LRRC4C: variants seen among roughly 807,000 people sequenced by gnomAD.
LRRC4C encodes leucine rich repeat containing 4C.
In LRRC4C, 5 loss-of-function variants were observed where a neutral mutation model predicts 33.6. That is an observed-to-expected ratio of 0.15 (90% confidence interval 0.08 to 0.31). LRRC4C has a LOEUF of 0.31. Ranked by LOEUF, LRRC4C falls within the 10% of genes least tolerant of loss-of-function variation. The pLI is 1.00. For synonymous variants in LRRC4C, 329 were observed against 302.0 expected, an observed-to-expected ratio of 1.09 and a Z score of -0.93; for missense variants, 560 against 796.7, an observed-to-expected ratio of 0.70 and a Z score of 3.58.
intron 1 of LRRC4C, among the ~76,000 whole-genome samples, chr11:40,971,471 G>T (rs925327938): frequency 1.3e-5 from 2 of 152,226 alleles, no homozygotes; most frequent in African/African-American, 4.8e-5. Context: ...AGACTTGGGA[G>T]CCCCCATCTA....
At chr11:40,941,101 G>T (rs1253220741) in intron 1 of LRRC4C, among the ~76,000 whole-genome samples, 1 of 151,938 alleles carries the variant, frequency 6.6e-6, no homozygotes, top group Non-Finnish European at 1.5e-5. Context: ...AAATTAGATT[G>T]TTAAACCAGT....
chr11:40,980,646 C>A (rs572785619), intron 1 of LRRC4C, among the ~76,000 whole-genome samples: 19 of 152,130 alleles, frequency 1.2e-4, no homozygotes, highest in African/African-American at 4.6e-4. Context: ...AAAATACTTG[C>A]GGGTTATGGT....
chr11:40,979,140 T>C (rs910967380), intron 1 of LRRC4C, among the ~76,000 whole-genome samples: 16 of 152,168 alleles, frequency 1.1e-4, no homozygotes, highest in African/African-American at 3.9e-4. Flanking sequence ...TTTTCCTGAA[T>C]TCTCATACTA....
intron 1 of LRRC4C, among the ~76,000 whole-genome samples, chr11:41,339,150 C>T (rs1021281618): frequency 2.0e-5 from 3 of 152,092 alleles, no homozygotes; most frequent in Admixed American, 1.3e-4. Context: ...ATAGAAACTA[C>T]TTCATTGGTC....
intron 2 of LRRC4C, among the ~76,000 whole-genome samples, chr11:40,890,179 C>T (rs1955636303): frequency 6.6e-6 from 1 of 152,056 alleles, no homozygotes; most frequent in South Asian, 2.1e-4. Flanking sequence ...ATATCTTTGT[C>T]CATTCTGTGT....
At chr11:41,216,261 G>A (rs1947056880) in intron 1 of LRRC4C, among the ~76,000 whole-genome samples, 1 of 152,086 alleles carries the variant, frequency 6.6e-6, no homozygotes, top group African/African-American at 2.4e-5. Context: ...AGGGAATTTA[G>A]GACACAGACA....
intron 2 of LRRC4C, among the ~76,000 whole-genome samples, chr11:40,904,912 A>T (rs12270480): frequency 0.13 from 19,306 of 152,188 alleles, 1,916 homozygotes; most frequent in African/African-American, 0.26. Flanking sequence ...GAAGCCAGCC[A>T]GTGAGACATG....
At chr11:40,456,403 C>T (rs1261701703) in intron 3 of LRRC4C, among the ~76,000 whole-genome samples, 1 of 151,350 alleles carries the variant, frequency 6.6e-6, no homozygotes, top group Non-Finnish European at 1.5e-5. Flanking sequence ...CCTAATTGGA[C>T]ATCTTAAACA....
chr11:41,084,412 T>C (rs1449362842), intron 1 of LRRC4C, among the ~76,000 whole-genome samples: 1 of 152,204 alleles, frequency 6.6e-6, no homozygotes, highest in Non-Finnish European at 1.5e-5. Context: ...AGATACTATA[T>C]ATTAATATTA....
chr11:41,070,397 A>C (rs2135419263), intron 1 of LRRC4C, among the ~76,000 whole-genome samples: 1 of 152,318 alleles, frequency 6.6e-6, no homozygotes, highest in East Asian at 1.9e-4. Context: ...CAATTGCAAC[A>C]AAAGCCAAAA....
intron 5 of LRRC4C, among the ~76,000 whole-genome samples, chr11:40,190,877 C>A (rs149818968): frequency 1.7e-3 from 252 of 152,178 alleles, no homozygotes; most frequent in Non-Finnish European, 2.7e-3. Flanking sequence ...TTCAAAAGAA[C>A]CTCCCACCTC....
intron 3 of LRRC4C, among the ~76,000 whole-genome samples, chr11:40,482,660 G>C (rs1590875144): frequency 6.6e-6 from 1 of 151,978 alleles, no homozygotes; most frequent in South Asian, 2.1e-4. Flanking sequence ...TGTAGAGATG[G>C]GGTTTTGCTG....
intron 5 of LRRC4C, among the ~76,000 whole-genome samples, chr11:40,180,910 G>T (rs1860937825): frequency 6.6e-6 from 1 of 152,156 alleles, no homozygotes; most frequent in Admixed American, 6.5e-5. Flanking sequence ...CTGAAGAGTT[G>T]AACTGGATCA....
At chr11:40,923,842 G>A (rs574767305) in intron 2 of LRRC4C, among the ~76,000 whole-genome samples, 2 of 152,210 alleles carry the variant, frequency 1.3e-5, no homozygotes, top group African/African-American at 4.8e-5. Flanking sequence ...AGCATTTGGT[G>A]AAGTTGTCAC....
intron 1 of LRRC4C, among the ~76,000 whole-genome samples, chr11:40,941,698 T>C (rs561583065): frequency 2.0e-5 from 3 of 152,286 alleles, no homozygotes; most frequent in Admixed American, 6.5e-5. Flanking sequence ...CAATTCATGT[T>C]AGAGAAAATC....
chr11:40,582,478 T>G (rs1020984585), intron 3 of LRRC4C, among the ~76,000 whole-genome samples: 3 of 151,728 alleles, frequency 2.0e-5, no homozygotes, highest in Non-Finnish European at 4.4e-5. Context: ...GAGCTGAACT[T>G]TCTTCTTATC....
intron 5 of LRRC4C, among the ~76,000 whole-genome samples, chr11:40,187,183 T>G (rs573274100): frequency 3.3e-5 from 5 of 152,268 alleles, no homozygotes; most frequent in African/African-American, 1.2e-4. Flanking sequence ...AACCCTGACT[T>G]CTCTCTTTGC....
At chr11:40,829,204 T>TAC (rs56205997) in intron 2 of LRRC4C, among the ~76,000 whole-genome samples, 6 of 152,066 alleles carry the variant, frequency 3.9e-5, no homozygotes, top group Non-Finnish European at 8.8e-5. Flanking sequence ...CAATAAAGAG[T>TAC]ACAAATTTAG....
intron 1 of LRRC4C, among the ~76,000 whole-genome samples, chr11:41,408,146 G>A (rs983952281): frequency 6.6e-6 from 1 of 152,142 alleles, no homozygotes; most frequent in Non-Finnish European, 1.5e-5. Flanking sequence ...TGTACAGGGT[G>A]AAACAGGTAA....
Sources: allele counts gnomAD v4.1 joint callset (sites outside exome capture counted in the v4.1 genomes callset), GRCh38; gene constraint gnomAD v4.1.1; transcripts MANE v1.5; gene names NCBI Gene and HGNC (gene_info 2026-07-23, HGNC 2026-07-21).